The following GABRA3 variants were observed in gnomAD, a reference collection of about 807,000 sequenced individuals.
GABRA3 encodes gamma-aminobutyric acid type A receptor subunit alpha3, also known as gamma-aminobutyric acid receptor subunit alpha-3.
Under a neutral mutation model 30.1 loss-of-function variants are expected in GABRA3, and 10 were observed. The observed-to-expected ratio is 0.33, with a 90% CI of 0.20 to 0.56. The LOEUF is 0.56. Ranked by LOEUF, GABRA3 falls within the 20% of genes least tolerant of loss-of-function variation. GABRA3 has a pLI of 0.89. For missense variants in GABRA3, 233 were observed against 392.0 expected, an observed-to-expected ratio of 0.59 and a Z score of 3.42; for synonymous variants, 151 against 146.8, an observed-to-expected ratio of 1.03 and a Z score of -0.21.
At chrX:152,317,627 C>T (rs1244802032) in intron 3 of GABRA3, among the ~76,000 whole-genome samples, 1 of 111,698 alleles carries the variant, frequency 9.0e-6, no homozygotes, top group Non-Finnish European at 1.9e-5. Context: ...CTCTCTCAGA[C>T]CACAGTGGAA....
At chrX:152,239,355 G>A (rs1938304231) in intron 5 of GABRA3, among the ~76,000 whole-genome samples, 1 of 106,744 alleles carries the variant, frequency 9.4e-6, no homozygotes, top group Non-Finnish European at 1.9e-5. Context: ...TGTGGTCTGA[G>A]AGATAGTTTG....
chrX:152,269,448 A>C (rs889618308), intron 4 of GABRA3, among the ~76,000 whole-genome samples: 1 of 112,022 alleles, frequency 8.9e-6, no homozygotes, highest in Non-Finnish European at 1.9e-5. Flanking sequence ...CCCTACCAAA[A>C]ATACCAATGA....
intron 6 of GABRA3, among the ~76,000 whole-genome samples, chrX:152,210,806 A>G (rs959493362): frequency 5.4e-5 from 6 of 111,641 alleles, no homozygotes; most frequent in Admixed American, 1.9e-4. Flanking sequence ...AAAACAAAGC[A>G]TCCTCTTCTA....
chrX:152,259,132 A>T (rs922784475), intron 4 of GABRA3, among the ~76,000 whole-genome samples: 1 of 111,812 alleles, frequency 8.9e-6, no homozygotes, highest in African/African-American at 3.3e-5. Flanking sequence ...AGAAAGCAAA[A>T]CCAGACCAAA....
At chrX:152,291,637 T>G (rs1198968988) in intron 3 of GABRA3, among the ~76,000 whole-genome samples, 1 of 111,770 alleles carries the variant, frequency 8.9e-6, no homozygotes, top group African/African-American at 3.3e-5. Context: ...AGTATGATAT[T>G]GGCTGTGGGT....
In GABRA3 at chrX:152,394,608, G is replaced by A. The variant is rs1356203580; in HGVS notation, c.-26-30012C>T. 1.7e-5 allele frequency: 5 copies of A among 297,398 alleles called. No individual in the cohort carries two copies. In the Admixed American group the frequency reaches 1.8e-4, roughly 11 times the overall value. 24.5% of individuals were successfully genotyped at this position (297,398 alleles called of 1,213,427 possible). ...CATGGTGTAGAAATTAATATACATA[G>A]TACAAAATACTCATTCCCAGTACAA... is the stretch of plus-strand genomic sequence containing the variant. On this transcript the variant is annotated intron_variant, in intron 1 of 9. Transcript: ENST00000370314.
intron 7 of GABRA3, among the ~76,000 whole-genome samples, chrX:152,199,360 G>A (rs1293652075): frequency 3.8e-5 from 4 of 104,126 alleles, no homozygotes; most frequent in Non-Finnish European, 5.9e-5. Context: ...GCGAGACTCT[G>A]TCTCAAAAAA....
chrX:152,274,768 C>A (rs908275456), intron 4 of GABRA3, among the ~76,000 whole-genome samples: 2 of 108,241 alleles, frequency 1.8e-5, no homozygotes, highest in Admixed American at 2.0e-4. Flanking sequence ...CACAGAATAC[C>A]CCAAGGAAAG....
chrX:152,291,497 C>A (rs1430905321), intron 3 of GABRA3, among the ~76,000 whole-genome samples: 1 of 111,559 alleles, frequency 9.0e-6, no homozygotes, highest in African/African-American at 3.3e-5. Context: ...ATTGAATACC[C>A]TTTATTTATT....
chrX:152,229,568 G>C (rs1202118673), intron 5 of GABRA3, among the ~76,000 whole-genome samples: 2 of 110,441 alleles, frequency 1.8e-5, no homozygotes, highest in Non-Finnish European at 3.8e-5. Flanking sequence ...ATTCAAGTTA[G>C]AAGGGGTAGC....
At chrX:152,212,543 T>C (rs1366476337) in intron 6 of GABRA3, among the ~76,000 whole-genome samples, 1 of 109,638 alleles carries the variant, frequency 9.1e-6, no homozygotes, top group Non-Finnish European at 1.9e-5. Context: ...AGGATCACCC[T>C]AGCTGCCGTA....
chrX:152,406,593 TA>T (rs1289645322), intron 1 of GABRA3, among the ~76,000 whole-genome samples: 5 of 102,400 alleles, frequency 4.9e-5, no homozygotes, highest in South Asian at 8.2e-4. Context: ...TATATATATA[TA>T]TTTTTATATG....
intron 8 of GABRA3, among the ~76,000 whole-genome samples, chrX:152,194,628 T>C (rs1202100090): frequency 8.9e-6 from 1 of 112,196 alleles, no homozygotes; most frequent in Non-Finnish European, 1.9e-5. Flanking sequence ...TGCCTTATAT[T>C]TTCTTCTAAG....
intron 3 of GABRA3, among the ~76,000 whole-genome samples, chrX:152,335,987 T>C (rs1200836833): frequency 2.7e-5 from 3 of 111,680 alleles, no homozygotes; most frequent in African/African-American, 9.8e-5. Context: ...TCCCAAAGTG[T>C]TGGGATTACA....
chrX:152,202,617 CATTT>C (rs200394322), intron 7 of GABRA3, among the ~76,000 whole-genome samples: 3,060 of 111,690 alleles, frequency 0.027, 48 homozygotes, highest in African/African-American at 0.031. Context: ...TATAGACACA[CATTT>C]ATGCGTTTGT....
intron 2 of GABRA3, among the ~76,000 whole-genome samples, chrX:152,357,652 T>A (rs1940571604): frequency 8.9e-6 from 1 of 111,958 alleles, no homozygotes; most frequent in Admixed American, 9.5e-5. Context: ...AATTTTTGGT[T>A]TTGTTGCAAT....
At chrX:152,309,591 T>G (rs1336600578) in intron 3 of GABRA3, among the ~76,000 whole-genome samples, 1 of 111,184 alleles carries the variant, frequency 9.0e-6, no homozygotes, top group Non-Finnish European at 1.9e-5. Flanking sequence ...GATAAGCAAA[T>G]GCTAAGGGAA....
At chrX:152,245,471 C>A (rs1392308082) in intron 5 of GABRA3, among the ~76,000 whole-genome samples, 2 of 111,096 alleles carry the variant, frequency 1.8e-5, no homozygotes, top group African/African-American at 6.5e-5. Flanking sequence ...ATTAAATCTT[C>A]AAGCTATAGA....
At chrX:152,292,303 T>C (rs959284417) in intron 3 of GABRA3, among the ~76,000 whole-genome samples, 3 of 112,230 alleles carry the variant, frequency 2.7e-5, no homozygotes, top group Admixed American at 9.5e-5. Context: ...TTTATTTGCA[T>C]AGAGGTGTTT....
Sources: gnomAD v4.1 joint callset for allele counts (sites outside exome capture counted in the v4.1 genomes callset) on GRCh38, gnomAD v4.1.1 for gene constraint, MANE v1.5 for transcripts, NCBI Gene and HGNC (gene_info 2026-07-23, HGNC 2026-07-21) for gene names.